CSNK2B: variants seen among roughly 807,000 people sequenced by gnomAD.
The protein encoded by CSNK2B is casein kinase II subunit beta.
CSNK2B carries 2 observed loss-of-function variants against 28.8 expected under a neutral mutation model. That is an observed-to-expected ratio of 0.07 (90% CI 0.03 to 0.22). The LOEUF (loss-of-function observed/expected upper bound fraction) is 0.22. CSNK2B is among the 10% of genes least tolerant of loss of function. CSNK2B has a pLI of 1.00. For synonymous variants in CSNK2B, 89 were observed against 96.1 expected, an observed-to-expected ratio of 0.93 and a Z score of 0.43; for missense variants, 107 against 277.9, an observed-to-expected ratio of 0.39 and a Z score of 4.37.
intron 2 of CSNK2B, 118 bp downstream of exon 2, chr6:31,667,021 CAAAGA>C (rs1562046236): frequency 1.1e-6 from 1 of 897,396 alleles, no homozygotes; most frequent in Non-Finnish European, 1.8e-6. Flanking sequence ...TTCCTATCAG[CAAAGA>C]GTCCCCCCTA....
Position 31,666,142 on chromosome 6 carries a change from G to T in CSNK2B, c.-78G>T. Reference sequence around the variant, plus strand: ...TCGGGTCCGCGGCCTGCGCTGTAGCGGTCGCCGCCGTTCCCTGGAAGTAGC... The same window carrying T: ...TCGGGTCCGCGGCCTGCGCTGTAGCTGTCGCCGCCGTTCCCTGGAAGTAGC... On this transcript the variant is annotated 5_prime_UTR_variant, in exon 1 of 7. Coordinates refer to ENST00000375882, the MANE Select transcript of CSNK2B (RefSeq NM_001320.7). The T allele has an allele frequency of 6.1e-6, 6 of 991,214 alleles. No individual in the cohort carries two copies. The highest frequency in any genetic ancestry group is 7.2e-6 in the Non-Finnish European group (6 of 832,726). 61.4% of individuals were successfully genotyped at this position (991,214 alleles called of 1,614,324 possible).
At chr6:31,668,778 A>C in intron 4 of CSNK2B, 124 bp downstream of exon 4, 1 of 856,970 alleles carries the variant, frequency 1.2e-6, no homozygotes, top group East Asian at 2.6e-5. Context: ...GAACCCCAGA[A>C]CTTGGGCCTG....
intron 2 of CSNK2B, chr6:31,667,194 C>G (rs36048548): frequency 1.7e-6 from 1 of 580,844 alleles, no homozygotes; most frequent in South Asian, 1.5e-5. Flanking sequence ...GGTAGTGGTG[C>G]GATCTCGGCT....
chr6:31,669,304 C>A lies in CSNK2B; in HGVS notation c.368-15C>A. 6.2e-7 allele frequency: 1 copy of A among 1,608,546 alleles called. No homozygotes were observed. Among genetic ancestry groups the A allele is most frequent in the Non-Finnish European group, 8.5e-7 (1 of 1,175,754 alleles). ...TAGGGGGATACCTGGCCTGCTGAGTCTGGCTGTCTCCCAGGCCTTTCAGAC... is the reference window on the plus strand; with the variant it reads ...TAGGGGGATACCTGGCCTGCTGAGTATGGCTGTCTCCCAGGCCTTTCAGAC... On this transcript the variant is annotated splice_polypyrimidine_tract_variant and intron_variant, in intron 5 of 6. Coordinates refer to ENST00000375882, the MANE Select transcript of CSNK2B (RefSeq NM_001320.7). This position sits in a 1 kb window ranked among gnomAD's most constrained non-coding sequence, Gnocchi z 4.8.
intron 3 of CSNK2B, 93 bp from the exon 4 acceptor site, chr6:31,668,446 G>C (rs1801950581): frequency 2.7e-6 from 3 of 1,120,112 alleles, no homozygotes; most frequent in Non-Finnish European, 4.0e-6. Context: ...GTAGGTGCTA[G>C]GCAAACTGAA....
Position 31,669,234 on chromosome 6 carries a change from C to A in CSNK2B, c.367+62C>A. On this transcript the variant is annotated intron_variant, in intron 5 of 6. Transcript: ENST00000375882. This position sits in a 1 kb window ranked among gnomAD's most constrained non-coding sequence, Gnocchi z 4.8. ...GCAGTCTTATGGGAAGGAGTTGGGG[C>A]TCAACACATTGGAGCCTGAGTCCTG... The A allele has an allele frequency of 6.9e-6, 11 of 1,601,218 alleles. No homozygotes were observed. The highest frequency in any genetic ancestry group is 9.4e-6 in the Non-Finnish European group (11 of 1,168,858).
rs1394052613 is a variant in CSNK2B, at chr6:31,669,536, T to G, written c.557+28T>G. The G allele has an allele frequency of 6.3e-7, 1 of 1,595,474 alleles. No individual in the cohort carries two copies. The highest frequency in any genetic ancestry group is 1.7e-5 in the Admixed American group (1 of 59,536). ...AGGGAGCAGGGAGAGTCATTAAGGG[T>G]CAAAGGAAAGGCCCAAGATCCCCCA... On this transcript the variant is annotated intron_variant, in intron 6 of 6. Coordinates refer to ENST00000375882, the MANE Select transcript of CSNK2B (RefSeq NM_001320.7). The surrounding 1 kb of genome is among the most constrained non-coding windows in gnomAD (Gnocchi z 4.8).
At position 31,669,591 on chromosome 6, in the gene CSNK2B, T is replaced by C; in HGVS notation, c.557+83T>C. ...GGGGAGGACAGGGCATGGCCCTTTC[T>C]TGAGGTCTGCTTCTCCCAGAATCAG... On this transcript the variant is annotated intron_variant, in intron 6 of 6. Transcript: ENST00000375882. The surrounding 1 kb of genome is among the most constrained non-coding windows in gnomAD (Gnocchi z 4.8). The C allele has an allele frequency of 6.9e-7, 1 of 1,448,124 alleles. No homozygotes were observed. The highest frequency in any genetic ancestry group is 9.3e-7 in the Non-Finnish European group (1 of 1,071,728). 89.7% of individuals were successfully genotyped at this position (1,448,124 alleles called of 1,614,324 possible).
At chr6:31,668,958 A>C (rs1004541573) in intron 4 of CSNK2B, 139 bp from the exon 5 acceptor site, 1 of 652,580 alleles carries the variant, frequency 1.5e-6, no homozygotes, top group African/African-American at 1.8e-5. Context: ...CAGAAGTTTG[A>C]GAGCCCATCT....
At chr6:31,668,363 C>G in intron 3 of CSNK2B, 176 bp from the exon 4 acceptor site, 1 of 614,634 alleles carries the variant, frequency 1.6e-6, no homozygotes. Context: ...GAGCTGTCTT[C>G]GTTTGATGCA....
Position 31,669,822 on chromosome 6 carries a change from C to G in CSNK2B, c.558-14C>G. 6.2e-7 allele frequency: 1 copy of G among 1,608,242 alleles called. No individual in the cohort carries two copies. Among genetic ancestry groups the G allele is most frequent in the Non-Finnish European group, 8.5e-7 (1 of 1,177,962 alleles). ...GCTCATGCTGCTGCCTCTCTGACCT[C>G]TGCCCTGGCCTAGGCTCTACGGTTT... On this transcript the variant is annotated splice_polypyrimidine_tract_variant and intron_variant, in intron 6 of 6. Coordinates refer to ENST00000375882, the MANE Select transcript of CSNK2B (RefSeq NM_001320.7). This position sits in a 1 kb window ranked among gnomAD's most constrained non-coding sequence, Gnocchi z 4.8.
At position 31,668,181 on chromosome 6, in the gene CSNK2B, C is replaced by G. The variant is rs1270032906; in HGVS notation, c.175+211C>G. 4.8e-6 allele frequency: 3 copies of G among 625,836 alleles called. No homozygotes were observed. In the Admixed American group the frequency reaches 8.0e-5, roughly 17 times the overall value. The allele number at this position is 625,836 out of a possible 1,614,324, so 38.8% of individuals were successfully genotyped here. ...TGTTTTCTAAATCCGCAATTCAGAC[C>G]TATTCCAAAATGCGTTTCCTCATGG... On this transcript the variant is annotated intron_variant, in intron 3 of 6. Transcript: ENST00000375882.
At chr6:31,666,966 A>C in intron 2 of CSNK2B, 63 bp downstream of exon 2, 5 of 1,293,332 alleles carry the variant, frequency 3.9e-6, no homozygotes, top group Non-Finnish European at 5.6e-6. Flanking sequence ...ACGTTCCTTC[A>C]CATATTCCAC....
Position 31,669,259 on chromosome 6 carries a change from G to A in CSNK2B, c.368-60G>A. 1 of 1,602,212 alleles carries A rather than the reference G, an allele frequency of 6.2e-7. No homozygotes were observed. Among genetic ancestry groups the A allele is most frequent in the South Asian group, 1.1e-5 (1 of 90,734 alleles). ...CTCAACACATTGGAGCCTGAGTCCTGAGGGGAGGTTAGGTAGGAATAGGGG... is the reference window on the plus strand; with the variant it reads ...CTCAACACATTGGAGCCTGAGTCCTAAGGGGAGGTTAGGTAGGAATAGGGG... On this transcript the variant is annotated intron_variant, in intron 5 of 6. Coordinates refer to ENST00000375882, the MANE Select transcript of CSNK2B (RefSeq NM_001320.7). This position sits in a 1 kb window ranked among gnomAD's most constrained non-coding sequence, Gnocchi z 4.8.
intron 3 of CSNK2B, 186 bp downstream of exon 3, chr6:31,668,156 T>C (rs1261379304): frequency 1.7e-5 from 11 of 652,108 alleles, no homozygotes; most frequent in Middle Eastern, 2.9e-4. Context: ...CTTGTTCTCA[T>C]GTTTTCTAAA....
At chr6:31,666,342 C>G (rs1366746829) in intron 1 of CSNK2B, 134 bp downstream of exon 1, 1 of 265,824 alleles carries the variant, frequency 3.8e-6, no homozygotes. Context: ...GCCTGAGGAG[C>G]GGAGGGGGGA....
intron 3 of CSNK2B, 127 bp from the exon 4 acceptor site, chr6:31,668,412 T>C: frequency 2.8e-6 from 2 of 723,838 alleles, no homozygotes; most frequent in East Asian, 2.6e-5. Flanking sequence ...CATGCCCAGA[T>C]GTTGGATGGG....
chr6:31,668,445 A>T, intron 3 of CSNK2B, 94 bp from the exon 4 acceptor site: 2 of 1,085,906 alleles, frequency 1.8e-6, no homozygotes, highest in Non-Finnish European at 2.8e-6. Context: ...AGTAGGTGCT[A>T]GGCAAACTGA....
chr6:31,669,830 G>C lies in CSNK2B; in HGVS notation c.558-6G>C. On this transcript the variant is annotated splice_polypyrimidine_tract_variant and splice_region_variant and intron_variant, in intron 6 of 6. Coordinates refer to ENST00000375882, the MANE Select transcript of CSNK2B (RefSeq NM_001320.7). The surrounding 1 kb of genome is among the most constrained non-coding windows in gnomAD (Gnocchi z 4.8). ...TGCTGCCTCTCTGACCTCTGCCCTG[G>C]CCTAGGCTCTACGGTTTCAAGATCC... 6.2e-7 allele frequency: 1 copy of C among 1,612,012 alleles called. No homozygotes were observed. Among genetic ancestry groups the C allele is most frequent in the Non-Finnish European group, 8.5e-7 (1 of 1,179,544 alleles).
Sources: gnomAD v4.1 joint callset for allele counts on GRCh38, gnomAD v4.1.1 for gene constraint, Gnocchi (gnomAD v3.1) non-coding constraint, MANE v1.5 for transcripts, NCBI Gene and HGNC (gene_info 2026-07-23, HGNC 2026-07-21) for gene names.